STAC: variants seen among roughly 807,000 people sequenced by gnomAD.
STAC encodes SH3 and cysteine-rich domain-containing protein.
In STAC, 43 loss-of-function variants were observed where a neutral mutation model predicts 48.8. That is an observed-to-expected ratio of 0.88 (90% CI 0.69 to 1.14). The LOEUF (loss-of-function observed/expected upper bound fraction) is 1.14, where lower values mean the gene tolerates loss of function less well. STAC is among the 50% of genes most tolerant of loss of function. STAC has a pLI of 0.00. For synonymous variants in STAC, 193 were observed against 179.5 expected, an observed-to-expected ratio of 1.07 and a Z score of -0.60; for missense variants, 497 against 504.0, an observed-to-expected ratio of 0.99 and a Z score of 0.13.
At chr3:36,388,195 C>T (rs140708119) in intron 1 of STAC, among the ~76,000 whole-genome samples, 4 of 152,168 alleles carry the variant, frequency 2.6e-5, no homozygotes, top group African/African-American at 9.6e-5. Context: ...TTCTAACCAG[C>T]AAATTTGAAT....
chr3:36,471,963 T>C (rs965096481), intron 2 of STAC, among the ~76,000 whole-genome samples: 1 of 152,172 alleles, frequency 6.6e-6, no homozygotes, highest in Non-Finnish European at 1.5e-5. Context: ...AGGGACTCTG[T>C]GTGGGACTCT....
chr3:36,414,884 A>T (rs997643977), intron 1 of STAC, among the ~76,000 whole-genome samples: 11 of 152,016 alleles, frequency 7.2e-5, no homozygotes, highest in Non-Finnish European at 1.0e-4. Context: ...TTTTCCTTTT[A>T]ACACTCAGGA....
intron 5 of STAC, among the ~76,000 whole-genome samples, chr3:36,491,573 A>C (rs1697967639): frequency 6.6e-6 from 1 of 152,096 alleles, no homozygotes; most frequent in Non-Finnish European, 1.5e-5. Context: ...TCATGATAGT[A>C]GCAGTGTTTG....
chr3:36,443,543 C>T lies in STAC; in HGVS notation c.291C>T (p.Ala97=), dbSNP rs1373223881. 1 of 1,614,224 alleles carries T rather than the reference C, an allele frequency of 6.2e-7. No individual in the cohort carries two copies. The highest frequency in any genetic ancestry group is 1.7e-5 in the Admixed American group (1 of 60,026). Residue 97 remains alanine (A), a synonymous_variant, in exon 2 of 11, where the codon GCC becomes GCT. Coordinates refer to ENST00000273183, the MANE Select transcript of STAC (RefSeq NM_003149.3). The surrounding 1 kb of genome is among the most constrained non-coding windows in gnomAD (Gnocchi z 4.2). ...CAGGAAGCCTGACGTCCACACCCGCCAGGGCTGGTCTGCATCCAGGTGGCA... is the reference window on the plus strand; with the variant it reads ...CAGGAAGCCTGACGTCCACACCCGCTAGGGCTGGTCTGCATCCAGGTGGCA... ...PAPGSLTSTP[A]RAGLHPGGKA... is the part of the protein sequence containing the mutation.
chr3:36,482,145 CTT>C (rs1310114506), intron 2 of STAC, among the ~76,000 whole-genome samples: 1 of 152,190 alleles, frequency 6.6e-6, no homozygotes, highest in African/African-American at 2.4e-5. Context: ...ATGGCATTCT[CTT>C]GTCTGTGACT....
At chr3:36,432,240 G>A (rs73063822) in intron 1 of STAC, among the ~76,000 whole-genome samples, 2,758 of 152,232 alleles carry the variant, frequency 0.018, 51 homozygotes, top group Non-Finnish European at 0.025. Flanking sequence ...TTTTATGGAC[G>A]GGGAATTTGG....
At chr3:36,425,117 A>C (rs1700533230) in intron 1 of STAC, among the ~76,000 whole-genome samples, 1 of 152,220 alleles carries the variant, frequency 6.6e-6, no homozygotes, top group African/African-American at 2.4e-5. Context: ...TTTTTTAAAA[A>C]GTCTTATAGT....
intron 1 of STAC, among the ~76,000 whole-genome samples, chr3:36,385,009 G>T (rs928511832): frequency 1.3e-5 from 2 of 152,080 alleles, no homozygotes; most frequent in African/African-American, 2.4e-5. Context: ...GAAAGAAAAC[G>T]AAACCTTGGC....
intron 1 of STAC, among the ~76,000 whole-genome samples, chr3:36,394,619 C>T (rs573937225): frequency 1.6e-4 from 24 of 152,144 alleles, no homozygotes; most frequent in Admixed American, 4.6e-4. Flanking sequence ...GATATAGGCC[C>T]GGCACAGTGG....
chr3:36,480,246 A>G (rs779363923), intron 2 of STAC, among the ~76,000 whole-genome samples: 12 of 152,238 alleles, frequency 7.9e-5, no homozygotes, highest in Non-Finnish European at 1.8e-4. Context: ...TTTTAAAAAC[A>G]TAGCAGTCTT....
At chr3:36,505,289 T>C (rs1264824620) in intron 7 of STAC, among the ~76,000 whole-genome samples, 1 of 152,104 alleles carries the variant, frequency 6.6e-6, no homozygotes, top group Non-Finnish European at 1.5e-5. Flanking sequence ...AATGAACTAA[T>C]TGCCAGATGA....
chr3:36,486,260 T>A lies in STAC; in HGVS notation c.687+11T>A, dbSNP rs1254868083. ...CCTCACAGAACCTCTGTAATTATCC[T>A]CTTCCTTCCTCGGTTTGTCTGTGGT... is the stretch of plus-strand genomic sequence containing the variant. On this transcript the variant is annotated intron_variant, in intron 5 of 10. Coordinates refer to ENST00000273183, the MANE Select transcript of STAC (RefSeq NM_003149.3). 6.2e-7 allele frequency: 1 copy of A among 1,609,378 alleles called. No individual in the cohort carries two copies. Among genetic ancestry groups the A allele is most frequent in the South Asian group, 1.1e-5 (1 of 90,526 alleles).
intron 2 of STAC, among the ~76,000 whole-genome samples, chr3:36,463,260 T>C (rs563884212): frequency 7.2e-5 from 11 of 152,290 alleles, no homozygotes; most frequent in African/African-American, 2.6e-4. Context: ...TACAATTGTG[T>C]AGACAAGGTA....
At chr3:36,523,732 A>T (rs1300914360) in intron 8 of STAC, among the ~76,000 whole-genome samples, 1 of 152,230 alleles carries the variant, frequency 6.6e-6, no homozygotes, top group African/African-American at 2.4e-5. Flanking sequence ...AGAGTCATGG[A>T]TTAGCCAAGT....
chr3:36,403,062 C>T (rs998697900), intron 1 of STAC, among the ~76,000 whole-genome samples: 23 of 152,114 alleles, frequency 1.5e-4, no homozygotes, highest in African/African-American at 5.1e-4. Context: ...TTGATATCTT[C>T]AGAGAGATTC....
Position 36,480,762 on chromosome 3 carries a change from T to C in STAC, c.389-2230T>C, listed in dbSNP as rs1697624454. 2.0e-5 allele frequency among the ~76,000 whole-genome samples: 3 copies of C among 152,196 alleles called. No individual in the cohort carries two copies. In the South Asian group the frequency reaches 6.2e-4, roughly 32 times the overall value. ...TTGAATACTATTTATGCATCGTTGA[T>C]TAATCAACTTCCACGAATTATCTCA... On this transcript the variant is annotated intron_variant, in intron 2 of 10. Transcript: ENST00000273183.
intron 1 of STAC, among the ~76,000 whole-genome samples, chr3:36,436,842 T>C (rs1416089862): frequency 6.6e-6 from 1 of 152,044 alleles, no homozygotes; most frequent in Non-Finnish European, 1.5e-5. Flanking sequence ...ACAGGCAACC[T>C]ACAAAATGGA....
At chr3:36,529,531 G>A (rs1699016982) in intron 10 of STAC, among the ~76,000 whole-genome samples, 1 of 152,130 alleles carries the variant, frequency 6.6e-6, no homozygotes, top group African/African-American at 2.4e-5. Context: ...CTAATCTAGA[G>A]GTGCCTGTCA....
At position 36,505,669 on chromosome 3, in the gene STAC, A is replaced by G. The variant is rs1698385587; in HGVS notation, c.832-77A>G. ...GAAATTACATTGCAATGACTTCTCC[A>G]TTTCCTGTTTTCTTTCTTTCCTCTC... On this transcript the variant is annotated intron_variant, in intron 7 of 10. Coordinates refer to ENST00000273183, the MANE Select transcript of STAC (RefSeq NM_003149.3). 4.1e-6 allele frequency: 4 copies of G among 963,986 alleles called. No homozygotes were observed. The South Asian group carries it at 4.6e-5, about 11-fold the overall frequency. The allele number at this position is 963,986 out of a possible 1,614,324, so 59.7% of individuals were successfully genotyped here.
Sources: gnomAD v4.1 joint callset for allele counts (sites outside exome capture counted in the v4.1 genomes callset) on GRCh38, gnomAD v4.1.1 for gene constraint, Gnocchi (gnomAD v3.1) non-coding constraint, MANE v1.5 for transcripts, NCBI Gene and HGNC (gene_info 2026-07-23, HGNC 2026-07-21) for gene names.